GRM1: variants seen among roughly 807,000 people sequenced by gnomAD.
GRM1 encodes metabotropic glutamate receptor 1.
GRM1 carries 33 observed loss-of-function variants against 90.9 expected under a neutral mutation model. The ratio of observed to expected loss-of-function variants is 0.36; its 90% CI spans 0.28 to 0.49. The LOEUF is 0.49. GRM1 is among the 20% of genes least tolerant of loss of function. The probability of loss-of-function intolerance (pLI) is 0.99; values close to 1 mark genes in which losing one functional copy is unlikely to be tolerated. For synonymous variants in GRM1, 700 were observed against 613.2 expected (o/e 1.14, Z -2.09); for missense variants, 1,190 against 1,534.3 (o/e 0.78, Z 3.75).
rs78990426 is a variant in GRM1 at position 146,096,283 on chromosome 6, T to A, written c.701-63065T>A. On this transcript the variant is annotated intron_variant, in intron 1 of 7. Transcript: ENST00000282753. ...GATGCTATCACCATTCTTCTTAAAC[T>A]GTTATTTCCCTTCATGGATTCAAAG... Among the ~76,000 whole-genome samples the A allele has an allele frequency of 2.8e-3, 422 of 152,314 alleles. 1 individual carries two copies. Among genetic ancestry groups the A allele is most frequent in the Non-Finnish European group, 4.7e-3 (320 of 68,018 alleles).
chr6:146,413,959 G>T (rs1777664873), intron 7 of GRM1, among the ~76,000 whole-genome samples: 1 of 152,176 alleles, frequency 6.6e-6, no homozygotes. Context: ...TTCTGGTGAT[G>T]AACATATGGG....
At chr6:146,427,536 G>C (rs1371531051) in intron 7 of GRM1, among the ~76,000 whole-genome samples, 1 of 152,148 alleles carries the variant, frequency 6.6e-6, no homozygotes, top group Non-Finnish European at 1.5e-5. Flanking sequence ...TACTGAACCT[G>C]GCCATGGAGG....
chr6:146,415,988 CT>C (rs1777768608), intron 7 of GRM1, among the ~76,000 whole-genome samples: 1 of 152,196 alleles, frequency 6.6e-6, no homozygotes, highest in African/African-American at 2.4e-5. Context: ...TCTACTTTGT[CT>C]GACATTAGTA....
chr6:146,198,754 T>C (rs1455693251), intron 2 of GRM1, among the ~76,000 whole-genome samples: 1 of 152,182 alleles, frequency 6.6e-6, no homozygotes, highest in African/African-American at 2.4e-5. Context: ...TGGGCATTCC[T>C]TGTCCCCAGT....
chr6:146,273,657 T>C (rs1782249944), intron 2 of GRM1, among the ~76,000 whole-genome samples: 1 of 152,190 alleles, frequency 6.6e-6, no homozygotes, highest in African/African-American at 2.4e-5. Context: ...TGATCTCTCT[T>C]AATTTCCCAT....
intron 2 of GRM1, among the ~76,000 whole-genome samples, chr6:146,189,072 T>C (rs1355740248): frequency 6.6e-6 from 1 of 152,192 alleles, no homozygotes; most frequent in African/African-American, 2.4e-5. Context: ...GTTATGAGTG[T>C]TTAGACTAAA....
intron 2 of GRM1, among the ~76,000 whole-genome samples, chr6:146,214,727 A>G (rs1779811178): frequency 6.6e-6 from 1 of 152,108 alleles, no homozygotes. Context: ...CTTCTTTTGG[A>G]TATATATAGA....
chr6:146,389,264 C>CA (rs1402291724), intron 6 of GRM1, among the ~76,000 whole-genome samples: 1 of 152,002 alleles, frequency 6.6e-6, no homozygotes, highest in Non-Finnish European at 1.5e-5. Flanking sequence ...TCTTAGAAGT[C>CA]AGAAGTCTTG....
At chr6:146,180,299 G>T (rs1432589469) in intron 2 of GRM1, among the ~76,000 whole-genome samples, 1 of 151,904 alleles carries the variant, frequency 6.6e-6, no homozygotes, top group Non-Finnish European at 1.5e-5. Flanking sequence ...TTTTGTTGCT[G>T]CTAGTGTTAG....
chr6:146,096,607 A>C (rs1483721472), intron 1 of GRM1, among the ~76,000 whole-genome samples: 1 of 152,136 alleles, frequency 6.6e-6, no homozygotes, highest in Non-Finnish European at 1.5e-5. Context: ...TTTCCCTCTT[A>C]ATCCCTTACT....
At chr6:146,131,625 A>G (rs1385795938) in intron 1 of GRM1, among the ~76,000 whole-genome samples, 1 of 152,176 alleles carries the variant, frequency 6.6e-6, no homozygotes, top group Non-Finnish European at 1.5e-5. Flanking sequence ...GACTAATCAT[A>G]TATTTGCTGA....
At chr6:146,402,300 G>A (rs1389650938) in intron 7 of GRM1, among the ~76,000 whole-genome samples, 1 of 151,996 alleles carries the variant, frequency 6.6e-6, no homozygotes, top group African/African-American at 2.4e-5. Context: ...AACCTTCTAC[G>A]GAAAACAATC....
chr6:146,155,101 T>C (rs904471017), intron 1 of GRM1, among the ~76,000 whole-genome samples: 1 of 152,138 alleles, frequency 6.6e-6, no homozygotes, highest in African/African-American at 2.4e-5. Flanking sequence ...AGTACATCAT[T>C]GAAAAAGCCA....
chr6:146,184,001 C>A (rs888507745), intron 2 of GRM1, among the ~76,000 whole-genome samples: 2 of 152,226 alleles, frequency 1.3e-5, no homozygotes, highest in Admixed American at 6.5e-5. Flanking sequence ...TAGGTCTCCT[C>A]CCCACTGAGA....
At chr6:146,388,714 G>A (rs362915) in intron 6 of GRM1, among the ~76,000 whole-genome samples, 3,720 of 152,066 alleles carry the variant, frequency 0.024, 134 homozygotes, top group African/African-American at 0.082. Flanking sequence ...CAGAGATTCC[G>A]CTTTGCTCCC....
At chr6:146,352,605 G>C (rs1785446272) in intron 4 of GRM1, 109 bp downstream of exon 4, 1 of 1,089,680 alleles carries the variant, frequency 9.2e-7, no homozygotes, top group Non-Finnish European at 1.4e-6. Context: ...CATGAGGATA[G>C]ATACAACTAG....
At chr6:146,196,804 A>C (rs1779139510) in intron 2 of GRM1, among the ~76,000 whole-genome samples, 1 of 152,184 alleles carries the variant, frequency 6.6e-6, no homozygotes, top group Admixed American at 6.5e-5. Context: ...CAGTGGTTTC[A>C]TTTATATATA....
chr6:146,299,821 C>T (rs1783309773), intron 2 of GRM1, among the ~76,000 whole-genome samples: 1 of 152,128 alleles, frequency 6.6e-6, no homozygotes, highest in Non-Finnish European at 1.5e-5. Context: ...TTTTTCTCAA[C>T]TCTGCAAATC....
At chr6:146,207,488 A>T (rs1217718129) in intron 2 of GRM1, among the ~76,000 whole-genome samples, 3 of 152,120 alleles carry the variant, frequency 2.0e-5, no homozygotes, top group Non-Finnish European at 4.4e-5. Flanking sequence ...GATGCTGGAT[A>T]TTGGACCATT....
Sources: allele counts gnomAD v4.1 joint callset (sites outside exome capture counted in the v4.1 genomes callset), GRCh38; gene constraint gnomAD v4.1.1; transcripts MANE v1.5; gene names NCBI Gene and HGNC (gene_info 2026-07-23, HGNC 2026-07-21).